The following AGMO variants were observed in gnomAD, a reference collection of about 807,000 sequenced individuals.
AGMO encodes alkylglycerol monooxygenase.
Under a neutral mutation model 60.2 loss-of-function variants are expected in AGMO, and 75 were observed. The observed-to-expected ratio is 1.25, with a 90% CI of 1.03 to 1.51. AGMO has a LOEUF of 1.51. Among genes scored for constraint, AGMO ranks in the 40% most tolerant of loss-of-function variants. The probability of loss-of-function intolerance (pLI) is 0.00; values close to 1 mark genes in which losing one functional copy is unlikely to be tolerated. For missense variants in AGMO, 763 were observed against 525.5 expected (o/e 1.45, Z -4.42); for synonymous variants, 261 against 177.1 (o/e 1.47, Z -3.76).
chr7:15,420,429 A>C (rs1780894302), intron 4 of AGMO, among the ~76,000 whole-genome samples: 2 of 152,170 alleles, frequency 1.3e-5, no homozygotes, highest in South Asian at 4.1e-4. Context: ...CCAATGGAAA[A>C]ATAAGCTCAC....
chr7:15,122,666 C>G, the AGMO span, among the ~76,000 whole-genome samples: 1 of 152,108 alleles, frequency 6.6e-6, no homozygotes, highest in African/African-American at 2.4e-5. Flanking sequence ...CACTTTGAGT[C>G]TTCTATTTCT....
intron 12 of AGMO, among the ~76,000 whole-genome samples, chr7:15,274,289 C>A (rs929489691): frequency 6.6e-6 from 1 of 152,034 alleles, no homozygotes; most frequent in Non-Finnish European, 1.5e-5. Flanking sequence ...TGAGATATGT[C>A]TCATCAATAC....
At chr7:15,468,153 T>C (rs1782342005) in intron 3 of AGMO, among the ~76,000 whole-genome samples, 1 of 152,216 alleles carries the variant, frequency 6.6e-6, no homozygotes, top group African/African-American at 2.4e-5. Flanking sequence ...TGAATTTAAA[T>C]GCTGGCTTTA....
chr7:15,269,550 T>C (rs190433199), intron 12 of AGMO, among the ~76,000 whole-genome samples: 9 of 152,092 alleles, frequency 5.9e-5, no homozygotes, highest in Non-Finnish European at 1.3e-4. Flanking sequence ...GGGGTAGTTA[T>C]TGAGGGTAAT....
At chr7:15,470,795 G>C (rs761510135) in intron 3 of AGMO, among the ~76,000 whole-genome samples, 6 of 151,782 alleles carry the variant, frequency 4.0e-5, no homozygotes, top group Non-Finnish European at 8.8e-5. Context: ...ACTGTTCTTT[G>C]TTAGAATACC....
chr7:15,291,603 C>A (rs563618776), intron 12 of AGMO, among the ~76,000 whole-genome samples: 108 of 151,062 alleles, frequency 7.1e-4, no homozygotes, highest in East Asian at 6.2e-3. Context: ...CACACACACA[C>A]AAAAAAAAAC....
chr7:15,313,812 CTAA>C (rs979510214), intron 12 of AGMO, among the ~76,000 whole-genome samples: 7 of 149,558 alleles, frequency 4.7e-5, no homozygotes, highest in Admixed American at 4.6e-4. Context: ...ATAACAATAA[CTAA>C]TAATAACATA....
intron 10 of AGMO, among the ~76,000 whole-genome samples, chr7:15,378,637 G>A (rs1482854910): frequency 2.0e-5 from 3 of 151,816 alleles, no homozygotes; most frequent in Non-Finnish European, 4.4e-5. Context: ...AGATCATCCA[G>A]ACAGAGAATT....
chr7:15,432,156 A>T (rs1781260745), intron 3 of AGMO, among the ~76,000 whole-genome samples: 1 of 151,516 alleles, frequency 6.6e-6, no homozygotes, highest in Non-Finnish European at 1.5e-5. Flanking sequence ...TTAGAAATTA[A>T]ATCTTTTAGG....
intron 12 of AGMO, among the ~76,000 whole-genome samples, chr7:15,360,291 C>T (rs1782699216): frequency 6.6e-6 from 1 of 152,158 alleles, no homozygotes; most frequent in Admixed American, 6.5e-5. Flanking sequence ...AATAAGTACA[C>T]TCGACCCTTG....
At chr7:15,286,300 G>T (rs992804921) in intron 12 of AGMO, among the ~76,000 whole-genome samples, 17 of 151,996 alleles carry the variant, frequency 1.1e-4, no homozygotes, top group African/African-American at 4.1e-4. Flanking sequence ...CAGAATGGCA[G>T]AAAGTATTTG....
intron 12 of AGMO, among the ~76,000 whole-genome samples, chr7:15,221,165 T>C (rs1034959098): frequency 7.2e-5 from 11 of 152,142 alleles, no homozygotes. Flanking sequence ...AGGAGAATCA[T>C]TTGGCCCCTT....
At chr7:15,490,696 A>G (rs1783046788) in intron 3 of AGMO, among the ~76,000 whole-genome samples, 1 of 152,220 alleles carries the variant, frequency 6.6e-6, no homozygotes, top group South Asian at 2.1e-4. Flanking sequence ...ACAATTCAAA[A>G]TGCAGAGAGC....
intron 3 of AGMO, among the ~76,000 whole-genome samples, chr7:15,538,940 T>A (rs945787172): frequency 6.6e-6 from 1 of 152,058 alleles, no homozygotes; most frequent in Admixed American, 6.6e-5. Context: ...AATTAAGCAA[T>A]GTGTTGAGGA....
intron 10 of AGMO, among the ~76,000 whole-genome samples, chr7:15,367,590 C>T (rs548375576): frequency 6.6e-6 from 1 of 152,132 alleles, no homozygotes; most frequent in East Asian, 1.9e-4. Flanking sequence ...CAGTAGAATA[C>T]ATATGAGCAA....
chr7:15,306,367 C>T (rs1780613629), intron 12 of AGMO: 1 of 303,030 alleles, frequency 3.3e-6, no homozygotes, highest in Non-Finnish European at 6.7e-6. Context: ...TCAAAAAGAC[C>T]CCTTGGGGCT....
At chr7:15,318,283 C>T (rs1162951125) in intron 12 of AGMO, among the ~76,000 whole-genome samples, 1 of 151,838 alleles carries the variant, frequency 6.6e-6, no homozygotes, top group Non-Finnish European at 1.5e-5. Context: ...GAATTACAGG[C>T]GAGAATCACT....
At chr7:15,431,229 G>A (rs1193470077) in intron 3 of AGMO, 121 bp from the exon 4 acceptor site, 11 of 652,528 alleles carry the variant, frequency 1.7e-5, no homozygotes, top group East Asian at 2.9e-5. Context: ...TGTAAAAGCT[G>A]GCCAATATAA....
At chr7:15,556,997 A>G (rs1335296837) in intron 2 of AGMO, among the ~76,000 whole-genome samples, 4 of 152,026 alleles carry the variant, frequency 2.6e-5, no homozygotes, top group Non-Finnish European at 4.4e-5. Context: ...CTTGTAAACA[A>G]GACATAATAT....
Sources: allele counts gnomAD v4.1 joint callset (sites outside exome capture counted in the v4.1 genomes callset), GRCh38; gene constraint gnomAD v4.1.1; transcripts MANE v1.5; gene names NCBI Gene and HGNC (gene_info 2026-07-23, HGNC 2026-07-21).